GPC6: variants seen among roughly 807,000 people sequenced by gnomAD.
GPC6 encodes the protein glypican 6.
GPC6 carries 14 observed loss-of-function variants against 55.2 expected under a neutral mutation model. The observed-to-expected ratio is 0.25, with a 90% CI of 0.17 to 0.40. The LOEUF is 0.40. Ranked by LOEUF, GPC6 falls within the 10% of genes least tolerant of loss-of-function variation. The probability of loss-of-function intolerance (pLI) is 1.00; values close to 1 mark genes in which losing one functional copy is unlikely to be tolerated. For synonymous variants in GPC6, 278 were observed against 259.6 expected, an observed-to-expected ratio of 1.07 and a Z score of -0.68; for missense variants, 641 against 708.5, an observed-to-expected ratio of 0.90 and a Z score of 1.08.
intron 6 of GPC6, among the ~76,000 whole-genome samples, chr13:94,313,395 G>A (rs901645201): frequency 2.0e-5 from 3 of 152,290 alleles, no homozygotes; most frequent in South Asian, 4.1e-4. Flanking sequence ...CACACCCAAT[G>A]GGCAGTGAAC....
At chr13:93,831,556 CTT>C (rs34397604) in intron 3 of GPC6, among the ~76,000 whole-genome samples, 325 of 147,404 alleles carry the variant, frequency 2.2e-3, no homozygotes, top group Non-Finnish European at 2.9e-3. Flanking sequence ...TACAATGCTT[CTT>C]TTTTTTTTTT....
chr13:93,415,803 G>A (rs1400212720), intron 1 of GPC6, among the ~76,000 whole-genome samples: 1 of 152,006 alleles, frequency 6.6e-6, no homozygotes, highest in African/African-American at 2.4e-5. Flanking sequence ...CAGCCTAGCT[G>A]TATCTTTTTC....
At chr13:94,259,670 T>C (rs1226284566) in intron 4 of GPC6, among the ~76,000 whole-genome samples, 1 of 152,178 alleles carries the variant, frequency 6.6e-6, no homozygotes, top group Non-Finnish European at 1.5e-5. Context: ...CTGTTCCCCT[T>C]CCTTTTGGTA....
chr13:93,509,073 C>G (rs1019168315), intron 1 of GPC6, among the ~76,000 whole-genome samples: 8 of 152,076 alleles, frequency 5.3e-5, no homozygotes, highest in Admixed American at 1.3e-4. Context: ...GCAGTGGTTC[C>G]AGTGACTTGA....
intron 1 of GPC6, among the ~76,000 whole-genome samples, chr13:93,507,860 G>A (rs1039091734): frequency 9.2e-5 from 14 of 151,538 alleles, no homozygotes; most frequent in Admixed American, 6.6e-4. Context: ...ACCAACTACT[G>A]TGCTTACCGC....
chr13:93,947,775 G>T (rs1008146459), intron 3 of GPC6, among the ~76,000 whole-genome samples: 53 of 149,892 alleles, frequency 3.5e-4, no homozygotes, highest in African/African-American at 1.2e-3. Context: ...AGTTTCTGTT[G>T]CAGTACTGAG....
At chr13:93,689,166 G>A (rs1197234736) in intron 2 of GPC6, among the ~76,000 whole-genome samples, 6 of 151,774 alleles carry the variant, frequency 4.0e-5, no homozygotes, top group South Asian at 2.1e-4. Flanking sequence ...GAGTACTCAG[G>A]TTTCTATTTA....
At chr13:93,400,443 A>G (rs2139231055) in intron 1 of GPC6, among the ~76,000 whole-genome samples, 1 of 149,068 alleles carries the variant, frequency 6.7e-6, no homozygotes, top group East Asian at 2.0e-4. Context: ...AGATTACCAG[A>G]CGTTAGGAAG....
chr13:93,674,829 A>G (rs182525183), intron 2 of GPC6, among the ~76,000 whole-genome samples: 1 of 71,896 alleles, frequency 1.4e-5, no homozygotes, highest in East Asian at 3.5e-4. Context: ...AGTTATGTCA[A>G]TGTCAGTCCC....
At chr13:94,189,355 G>A (rs1411319609) in intron 4 of GPC6, among the ~76,000 whole-genome samples, 1 of 152,182 alleles carries the variant, frequency 6.6e-6, no homozygotes, top group African/African-American at 2.4e-5. Context: ...AACGAGGACT[G>A]TGTATTCCTG....
chr13:94,027,375 A>T (rs1882941005), intron 3 of GPC6, among the ~76,000 whole-genome samples: 1 of 152,104 alleles, frequency 6.6e-6, no homozygotes, highest in African/African-American at 2.4e-5. Flanking sequence ...CAGTTGGAAA[A>T]TTTTCTAAAT....
At chr13:93,704,862 T>C (rs922849121) in intron 2 of GPC6, among the ~76,000 whole-genome samples, 5 of 151,968 alleles carry the variant, frequency 3.3e-5, no homozygotes, top group Non-Finnish European at 5.9e-5. Context: ...GATCTTGTAA[T>C]GACGTGATGC....
chr13:93,359,604 A>G (rs1023394250), intron 1 of GPC6, among the ~76,000 whole-genome samples: 2 of 152,198 alleles, frequency 1.3e-5, no homozygotes, highest in Non-Finnish European at 2.9e-5. Context: ...CTGGACCTTA[A>G]ATATAGTTAA....
chr13:93,783,939 C>A (rs938010577), intron 2 of GPC6, among the ~76,000 whole-genome samples: 3 of 151,958 alleles, frequency 2.0e-5, no homozygotes, highest in African/African-American at 7.3e-5. Flanking sequence ...TTAGTTAATA[C>A]CAAAAAATAA....
At chr13:94,280,988 G>A (rs749588118) in intron 4 of GPC6, among the ~76,000 whole-genome samples, 2 of 151,878 alleles carry the variant, frequency 1.3e-5, no homozygotes, top group African/African-American at 2.4e-5. Context: ...ATTTTAATAT[G>A]CTTCATCTAT....
intron 6 of GPC6, among the ~76,000 whole-genome samples, chr13:94,362,399 G>T (rs772411662): frequency 6.6e-6 from 1 of 152,096 alleles, no homozygotes; most frequent in Non-Finnish European, 1.5e-5. Context: ...ACATTTTGTA[G>T]GGAAATAAAG....
At chr13:93,534,795 A>G (rs1881993198) in intron 1 of GPC6, among the ~76,000 whole-genome samples, 1 of 152,170 alleles carries the variant, frequency 6.6e-6, no homozygotes, top group Admixed American at 6.5e-5. Context: ...CCTTGAGCTC[A>G]TTCTGCAACT....
intron 1 of GPC6, among the ~76,000 whole-genome samples, chr13:93,543,979 T>C (rs1169937752): frequency 2.6e-5 from 4 of 152,134 alleles, no homozygotes; most frequent in South Asian, 4.1e-4. Flanking sequence ...TGTTATTTTT[T>C]ATCTTTCTGA....
In GPC6 at chr13:94,405,229, T is replaced by C. The variant is rs1221244792; in HGVS notation, c.*2012T>C. 6.6e-6 allele frequency: 1 copy of C among 152,214 alleles called. No individual in the cohort carries two copies. The highest frequency in any genetic ancestry group is 2.4e-5 in the African/African-American group (1 of 41,464). 9.4% of individuals were successfully genotyped at this position (152,214 alleles called of 1,614,324 possible). A position where few individuals can be genotyped will look rare whatever the true frequency, so the allele number is the denominator to read the frequency against. On this transcript the variant is annotated 3_prime_UTR_variant, in exon 9 of 9. Coordinates refer to ENST00000377047, the MANE Select transcript of GPC6 (RefSeq NM_005708.5). ...ATGATGAGAGACTTTGTGGCATTCT[T>C]TCATTTAAACCTTTATGAAATTAAC...
Sources: gnomAD v4.1 joint callset for allele counts (sites outside exome capture counted in the v4.1 genomes callset) on GRCh38, gnomAD v4.1.1 for gene constraint, MANE v1.5 for transcripts, NCBI Gene and HGNC (gene_info 2026-07-23, HGNC 2026-07-21) for gene names.